ADAT1: variants seen among roughly 807,000 people sequenced by gnomAD.
ADAT1 encodes the protein adenosine deaminase tRNA specific 1.
In ADAT1, 58 loss-of-function variants were observed where a neutral mutation model predicts 58.6. The ratio of observed to expected loss-of-function variants is 0.99; its 90% CI spans 0.80 to 1.23. ADAT1 has a LOEUF of 1.23. Ranked by LOEUF, ADAT1 falls within the 50% of genes most tolerant of loss-of-function variation. The pLI, the probability that ADAT1 is intolerant of heterozygous loss-of-function variation, is 0.00. For synonymous variants in ADAT1, 254 were observed against 220.8 expected, an observed-to-expected ratio of 1.15 and a Z score of -1.33; for missense variants, 741 against 608.6, an observed-to-expected ratio of 1.22 and a Z score of -2.29.
At position 75,598,896 on chromosome 16, in the gene ADAT1, A is replaced by T; in HGVS notation, c.*1320T>A. ...TTATATCTCAATACAACTGTTATTT[A>T]AAAATATTTATAGCCACAAAATGCT... is the stretch of plus-strand genomic sequence containing the variant. On this transcript the variant is annotated 3_prime_UTR_variant, in exon 10 of 10. Transcript: ENST00000564657. 1 of 984,178 alleles carries T rather than the reference A, an allele frequency of 1.0e-6. No homozygotes were observed. Among genetic ancestry groups the T allele is most frequent in the Non-Finnish European group, 1.2e-6 (1 of 828,922 alleles). The allele number at this position is 984,178 out of a possible 1,614,324, so 61.0% of individuals were successfully genotyped here.
intron 3 of ADAT1, 134 bp downstream of exon 3, chr16:75,620,132 A>G: frequency 1.2e-6 from 1 of 837,444 alleles, no homozygotes; most frequent in Non-Finnish European, 2.0e-6. Context: ...CGGTCCTTCC[A>G]ACTGGACTGA....
At chr16:75,600,385 T>C (rs199566267) in intron 9 of ADAT1, 37 bp from the exon 10 acceptor site, 128 of 1,609,422 alleles carry the variant, frequency 8.0e-5, no homozygotes, top group Admixed American at 3.8e-4. Context: ...CAGGTTCTCA[T>C]TGAATAGCCC....
rs1460012892 is a variant in ADAT1 at position 75,597,679 on chromosome 16, T to G, written c.*2537A>C. Among the ~76,000 whole-genome samples the G allele has an allele frequency of 6.6e-6, 1 of 152,188 alleles. No individual in the cohort carries two copies. The highest frequency in any genetic ancestry group is 6.5e-5 in the Admixed American group (1 of 15,272). ...AGTAGGAGCCCTGAGCTTGTTTTCCTGCAACTAGACAGTCCCATATGGGGG... is the reference window on the plus strand; with the variant it reads ...AGTAGGAGCCCTGAGCTTGTTTTCCGGCAACTAGACAGTCCCATATGGGGG... On this transcript the variant is annotated 3_prime_UTR_variant, in exon 10 of 10. Coordinates refer to ENST00000564657, the MANE Select transcript of ADAT1 (RefSeq NM_001324445.2).
At chr16:75,618,792 A>G (rs2081833151) in intron 3 of ADAT1, 152 bp from the exon 4 acceptor site, 1 of 832,862 alleles carries the variant, frequency 1.2e-6, no homozygotes, top group Admixed American at 2.6e-5. Flanking sequence ...ATGAATAACA[A>G]TGCATCAGGT....
At chr16:75,618,812 C>T (rs976920886) in intron 3 of ADAT1, 172 bp from the exon 4 acceptor site, 8 of 696,720 alleles carry the variant, frequency 1.1e-5, no homozygotes, top group Non-Finnish European at 1.6e-5. Context: ...TGCAGGGTTT[C>T]TCAACCCAGC....
intron 8 of ADAT1, 125 bp downstream of exon 8, chr16:75,608,099 G>C: frequency 2.7e-6 from 2 of 729,176 alleles, no homozygotes; most frequent in Non-Finnish European, 4.7e-6. Flanking sequence ...AGGAGAGGGA[G>C]GGATAGGTAG....
At chr16:75,611,633 C>T (rs1402874292) in intron 6 of ADAT1, among the ~76,000 whole-genome samples, 2 of 152,048 alleles carry the variant, frequency 1.3e-5, no homozygotes, top group East Asian at 3.9e-4. Flanking sequence ...CCGCCCCCCT[C>T]GACCTCCCAA....
chr16:75,618,524 AAG>A, intron 4 of ADAT1, 60 bp downstream of exon 4: 1 of 1,277,126 alleles, frequency 7.8e-7, no homozygotes, highest in Non-Finnish European at 1.1e-6. Flanking sequence ...AAAAAAAAAA[AAG>A]TAAATTCCGG....
At chr16:75,618,528 A>T in intron 4 of ADAT1, 58 bp downstream of exon 4, 1 of 1,255,986 alleles carries the variant, frequency 8.0e-7, no homozygotes, top group Non-Finnish European at 1.1e-6. Context: ...AAAAAAAAGT[A>T]AATTCCGGGA....
At position 75,599,230 on chromosome 16, in the gene ADAT1, C is replaced by A. The variant is rs981773197; in HGVS notation, c.*986G>T. On this transcript the variant is annotated 3_prime_UTR_variant, in exon 10 of 10. Coordinates refer to ENST00000564657, the MANE Select transcript of ADAT1 (RefSeq NM_001324445.2). ...CCGAGTAGCTAGGATTACAGGTGTG[C>A]GCCACCATGCCCGGCTAGTTTTTGC... The A allele has an allele frequency of 6.3e-6, 5 of 792,470 alleles. No homozygotes were observed. Among genetic ancestry groups the A allele is most frequent in the Non-Finnish European group, 7.6e-6 (5 of 655,406 alleles). 49.1% of individuals were successfully genotyped at this position (792,470 alleles called of 1,614,324 possible). A position where few individuals can be genotyped will look rare whatever the true frequency, so the allele number is the denominator to read the frequency against.
At position 75,598,871 on chromosome 16, in the gene ADAT1, T is replaced by G; in HGVS notation, c.*1345A>C. ...TTGGGTGAATTTTATGGTCTGTGAA[T>G]TATATCTCAATACAACTGTTATTTA... On this transcript the variant is annotated 3_prime_UTR_variant, in exon 10 of 10. Transcript: ENST00000564657. 2.0e-6 allele frequency: 2 copies of G among 979,952 alleles called. No individual in the cohort carries two copies. Among genetic ancestry groups the G allele is most frequent in the Non-Finnish European group, 2.4e-6 (2 of 825,146 alleles). 60.7% of individuals were successfully genotyped at this position (979,952 alleles called of 1,614,324 possible). A position where few individuals can be genotyped will look rare whatever the true frequency, so the allele number is the denominator to read the frequency against.
chr16:75,620,588 C>T (rs1323614831), intron 2 of ADAT1, 43 bp downstream of exon 2: 1 of 1,601,664 alleles, frequency 6.2e-7, no homozygotes, highest in East Asian at 2.2e-5. Flanking sequence ...ATAATTTTAC[C>T]ATCTCTCACA....
At chr16:75,605,391 T>C (rs2081342705) in intron 8 of ADAT1, among the ~76,000 whole-genome samples, 1 of 152,188 alleles carries the variant, frequency 6.6e-6, no homozygotes, top group Non-Finnish European at 1.5e-5. Flanking sequence ...ACCTGGCCTA[T>C]TCCTTATGAT....
Position 75,603,091 on chromosome 16 carries a change from G to C in ADAT1, c.1370C>G (p.Ser457Cys), listed in dbSNP as rs749428527. 1 of 1,613,580 alleles carries C rather than the reference G, an allele frequency of 6.2e-7. No individual in the cohort carries two copies. Among genetic ancestry groups the C allele is most frequent in the African/African-American group, 1.3e-5 (1 of 74,922 alleles). Residue 457 changes from serine to cysteine, a missense_variant, in exon 9 of 10, where the codon TCC becomes TGC. Coordinates refer to ENST00000564657, the MANE Select transcript of ADAT1 (RefSeq NM_001324445.2). ...CATAGGTCAACAGCATCACCTGAGG[G>C]AGTGTGGCCACTTGTCCCTTGCAAT... The part of the protein sequence containing the change: ...SRIARDKWPH[S>C]LRVQKLDTYQ...
chr16:75,612,975 G>C, intron 5 of ADAT1, 114 bp from the exon 6 acceptor site: 5 of 1,311,874 alleles, frequency 3.8e-6, no homozygotes, highest in Non-Finnish European at 5.2e-6. Context: ...ACCCACAGTA[G>C]ACCTGCTGAA....
At chr16:75,613,204 G>A (rs1291798564) in intron 5 of ADAT1, among the ~76,000 whole-genome samples, 1 of 152,132 alleles carries the variant, frequency 6.6e-6, no homozygotes, top group African/African-American at 2.4e-5. Context: ...TCTGGAGAAG[G>A]GCATGCAAAA....
chr16:75,613,513 G>A (rs1362781784), intron 5 of ADAT1, among the ~76,000 whole-genome samples: 1 of 152,158 alleles, frequency 6.6e-6, no homozygotes, highest in Non-Finnish European at 1.5e-5. Flanking sequence ...TGTTGGCCAG[G>A]CTGGTCTTGA....
intron 4 of ADAT1, 82 bp downstream of exon 4, chr16:75,618,504 C>G: frequency 1.1e-6 from 1 of 942,734 alleles, no homozygotes; most frequent in Non-Finnish European, 1.6e-6. Context: ...AGACTCTGTC[C>G]CCCCCAAAAA....
chr16:75,611,774 T>C (rs2081542201), intron 6 of ADAT1, among the ~76,000 whole-genome samples: 2 of 151,550 alleles, frequency 1.3e-5, no homozygotes, highest in African/African-American at 4.9e-5. Flanking sequence ...AAAAAAATTA[T>C]TAGCCGGGCG....
Sources: allele counts gnomAD v4.1 joint callset (sites outside exome capture counted in the v4.1 genomes callset), GRCh38; gene constraint gnomAD v4.1.1; transcripts MANE v1.5; gene names NCBI Gene and HGNC (gene_info 2026-07-23, HGNC 2026-07-21).